DNAI1: variants seen among roughly 807,000 people sequenced by gnomAD.
DNAI1 encodes dynein axonemal intermediate chain 1, also known as dynein, axonemal, intermediate polypeptide 1.
A neutral mutation model predicts 92.0 loss-of-function variants in DNAI1; 67 were observed. The observed-to-expected ratio is 0.73, with a 90% CI of 0.60 to 0.89. The LOEUF (loss-of-function observed/expected upper bound fraction) is 0.89. DNAI1 is among the 40% of genes least tolerant of loss of function. DNAI1 has a pLI of 0.00. For synonymous variants in DNAI1, 323 were observed against 319.6 expected (o/e 1.01, Z -0.11); for missense variants, 839 against 866.6 (o/e 0.97, Z 0.40).
intron 1 of DNAI1, among the ~76,000 whole-genome samples, chr9:34,471,132 A>ATT (rs2132044711): frequency 6.6e-6 from 1 of 152,322 alleles, no homozygotes; most frequent in East Asian, 1.9e-4. Context: ...TAAACGCTGT[A>ATT]TTAGAAAAGA....
chr9:34,460,052 C>T (rs919167213), intron 1 of DNAI1, among the ~76,000 whole-genome samples: 2 of 152,192 alleles, frequency 1.3e-5, no homozygotes, highest in African/African-American at 4.8e-5. Context: ...CCTGCGAGCC[C>T]CTGGTCCACT....
At chr9:34,486,423 AG>A (rs951099979) in intron 4 of DNAI1, among the ~76,000 whole-genome samples, 1 of 152,118 alleles carries the variant, frequency 6.6e-6, no homozygotes, top group African/African-American at 2.4e-5. Flanking sequence ...CTGACTCCAA[AG>A]CAACATTACA....
chr9:34,459,033 C>T lies in DNAI1; in HGVS notation c.28C>T (p.His10Tyr), dbSNP rs372656672. The T allele has an allele frequency of 2.4e-5, 39 of 1,614,042 alleles. No homozygotes were observed. Among genetic ancestry groups the T allele is most frequent in the Non-Finnish European group, 3.1e-5 (37 of 1,180,006 alleles). ...GATTCCTGCTTCTGCGAAGGCTCCC[C>T]ATAAACAGCCTCATAAGCAGGTAAC... is the stretch of plus-strand genomic sequence containing the variant. MIPASAKAP[H>Y]KQPHKQSISI... The change falls in exon 1 of 20, where the codon CAT becomes TAT. Residue 10 changes from histidine to tyrosine, a missense_variant. Coordinates refer to ENST00000242317, the MANE Select transcript of DNAI1 (RefSeq NM_012144.4).
rs868073874 is a variant in DNAI1 at position 34,520,747 on chromosome 9, C to T, written c.2091C>T (p.Ile697=). 3 of 1,551,620 alleles carry T rather than the reference C, an allele frequency of 1.9e-6. No individual in the cohort carries two copies. The highest frequency in any genetic ancestry group is 2.6e-6 in the Non-Finnish European group (3 of 1,146,942). ...TGAACCTGGTGAGGGAAGTGAAAAT[C>T]AAGACCTGAGGGGCTGGCCTCAGTC... The part of the protein sequence containing the change: ...KLLNLVREVK[I]KT Residue 697 remains isoleucine, a synonymous_variant, in exon 20 of 20, where the codon ATC becomes ATT. Coordinates refer to ENST00000242317, the MANE Select transcript of DNAI1 (RefSeq NM_012144.4).
At chr9:34,478,143 T>C (rs1824275050) in intron 1 of DNAI1, among the ~76,000 whole-genome samples, 1 of 151,978 alleles carries the variant, frequency 6.6e-6, no homozygotes, top group Non-Finnish European at 1.5e-5. Flanking sequence ...TTTCTCAGCC[T>C]CCCCAAGTGC....
rs544254178 is a variant in DNAI1 at position 34,517,350 on chromosome 9, A to G, written c.1884A>G (p.Lys628=). The change falls in exon 19 of 20, where the codon AAA becomes AAG. Residue 628 remains lysine, a synonymous_variant. Transcript: ENST00000242317. The stretch of plus-strand genomic sequence containing the variant: ...TCTGCAACCAGCCTGTGGCGGCCAA[A>G]AAGAACAGGCTCACCCACGTGCAGT... ...EAICNQPVAA[K]KNRLTHVQFN... is the part of the protein sequence containing the mutation. The G allele has an allele frequency of 6.2e-6, 10 of 1,614,132 alleles. No individual in the cohort carries two copies. In the South Asian group the frequency reaches 9.9e-5, roughly 16 times the overall value.
intron 13 of DNAI1, 71 bp from the exon 14 acceptor site, chr9:34,512,038 C>T: frequency 6.8e-7 from 1 of 1,466,874 alleles, no homozygotes; most frequent in Non-Finnish European, 9.6e-7. Context: ...CTTGGGGGAG[C>T]CCTGCTCTGC....
chr9:34,502,012 A>C (rs1402449550), intron 12 of DNAI1, among the ~76,000 whole-genome samples: 1 of 152,206 alleles, frequency 6.6e-6, no homozygotes, highest in East Asian at 1.9e-4. Context: ...CTCGCTCCCC[A>C]GTGCTAACAG....
At chr9:34,491,425 GA>G in intron 7 of DNAI1, 69 bp from the exon 8 acceptor site, 1 of 1,561,078 alleles carries the variant, frequency 6.4e-7, no homozygotes. Flanking sequence ...TTCTCTCAAA[GA>G]TATACTGTTG....
intron 1 of DNAI1, among the ~76,000 whole-genome samples, chr9:34,467,058 G>C (rs560060164): frequency 1.3e-5 from 2 of 152,182 alleles, no homozygotes; most frequent in East Asian, 3.9e-4. Context: ...CTAGAAGGAG[G>C]TATTCTCTTT....
At chr9:34,481,896 G>A (rs1824365769) in intron 1 of DNAI1, among the ~76,000 whole-genome samples, 1 of 152,204 alleles carries the variant, frequency 6.6e-6, no homozygotes, top group African/African-American at 2.4e-5. Flanking sequence ...CCACAGTGTG[G>A]AAGGGGACCC....
chr9:34,483,334 A>G, intron 1 of DNAI1, 114 bp from the exon 2 acceptor site: 1 of 1,016,990 alleles, frequency 9.8e-7, no homozygotes, highest in Non-Finnish European at 1.5e-6. Flanking sequence ...GCACGCTGTC[A>G]CCTCTCACTT....
At chr9:34,515,878 C>T (rs551262269) in intron 18 of DNAI1, among the ~76,000 whole-genome samples, 18 of 151,918 alleles carry the variant, frequency 1.2e-4, no homozygotes, top group Admixed American at 4.6e-4. Flanking sequence ...TATACTAACA[C>T]CAAGAATTTG....
At chr9:34,491,358 C>T (rs1564033424) in intron 7 of DNAI1, 137 bp from the exon 8 acceptor site, 2 of 826,750 alleles carry the variant, frequency 2.4e-6, no homozygotes, top group African/African-American at 1.7e-5. Context: ...TCACCCAAGC[C>T]CCTCTTTACT....
intron 13 of DNAI1, among the ~76,000 whole-genome samples, chr9:34,510,458 GAATA>G (rs1459259144): frequency 6.6e-6 from 1 of 152,148 alleles, no homozygotes; most frequent in Non-Finnish European, 1.5e-5. Context: ...AGGCAGAAGA[GAATA>G]AATCAGTGAA....
chr9:34,468,884 A>G (rs1257568256), intron 1 of DNAI1, among the ~76,000 whole-genome samples: 3 of 151,948 alleles, frequency 2.0e-5, no homozygotes. Context: ...AGGCTCCACT[A>G]AAAAATAATA....
At chr9:34,516,960 C>T (rs946715958) in intron 18 of DNAI1, among the ~76,000 whole-genome samples, 4 of 151,996 alleles carry the variant, frequency 2.6e-5, no homozygotes, top group Non-Finnish European at 5.9e-5. Flanking sequence ...AGCCTGGTCT[C>T]AAACTCCTGA....
intron 1 of DNAI1, among the ~76,000 whole-genome samples, chr9:34,469,739 G>A (rs1245570718): frequency 6.6e-6 from 1 of 151,962 alleles, no homozygotes; most frequent in Non-Finnish European, 1.5e-5. Context: ...CACCATGGTG[G>A]CTAATTTTTT....
At chr9:34,480,490 C>T (rs1483492801) in intron 1 of DNAI1, among the ~76,000 whole-genome samples, 3 of 151,868 alleles carry the variant, frequency 2.0e-5, no homozygotes, top group Non-Finnish European at 4.4e-5. Flanking sequence ...GTTGACCAGG[C>T]TGGTCTCCAA....
Sources: gnomAD v4.1 joint callset for allele counts (sites outside exome capture counted in the v4.1 genomes callset) on GRCh38, gnomAD v4.1.1 for gene constraint, MANE v1.5 for transcripts, NCBI Gene and HGNC (gene_info 2026-07-23, HGNC 2026-07-21) for gene names.